The following TERT variants were observed in gnomAD, a reference collection of about 807,000 sequenced individuals.
TERT encodes the protein telomerase catalytic subunit.
TERT carries 42 observed loss-of-function variants against 104.0 expected under a neutral mutation model. The ratio of observed to expected loss-of-function variants is 0.40; its 90% CI spans 0.32 to 0.52. The LOEUF (loss-of-function observed/expected upper bound fraction) is 0.52, where lower values mean the gene tolerates loss of function less well. Ranked by LOEUF, TERT falls within the 20% of genes least tolerant of loss-of-function variation. The pLI is 0.43. For synonymous variants in TERT, 781 were observed against 725.6 expected (o/e 1.08, Z -1.23); for missense variants, 1,101 against 1,610.3 (o/e 0.68, Z 5.41).
Position 1,293,171 on chromosome 5 carries a change from C to T in TERT, c.1573+142G>A, listed in dbSNP as rs561709930. On this transcript the variant is annotated intron_variant, in intron 2 of 15. Transcript: ENST00000310581. ...GAGCAGAGGCAGAGATCACCGTGTC[C>T]ACTCGACGTCCTGAGCGAAAAGCCA... The T allele has an allele frequency of 3.8e-5, 34 of 898,336 alleles. No individual in the cohort carries two copies. In the African/African-American group the frequency reaches 4.9e-4, roughly 13 times the overall value. The allele number at this position is 898,336 out of a possible 1,614,324, so 55.6% of individuals were successfully genotyped here. A position where few individuals can be genotyped will look rare whatever the true frequency, so the allele number is the denominator to read the frequency against.
intron 13 of TERT, 28 bp downstream of exon 13, chr5:1,258,570 G>A (rs374686436): frequency 6.4e-7 from 1 of 1,556,556 alleles, no homozygotes; most frequent in Non-Finnish European, 8.7e-7. Context: ...CCTGGAGGCT[G>A]GGCCTGCACC....
chr5:1,284,482 A>C (rs13171544), intron 2 of TERT, among the ~76,000 whole-genome samples: 719 of 77,282 alleles, frequency 9.3e-3, no homozygotes, highest in Middle Eastern at 0.032. Flanking sequence ...GACTCCATAC[A>C]TCCAGCTCAC....
At position 1,253,347 on chromosome 5, in the gene TERT, G is replaced by A; in HGVS notation, c.*381C>T. ...CCTTCTCAGGGTCTCCACCTGGATG[G>A]TGGGGGTGGAAGGCAAAGGAGGGCA... On this transcript the variant is annotated 3_prime_UTR_variant, in exon 16 of 16. Transcript: ENST00000310581. 7 of 420,862 alleles carry A rather than the reference G, an allele frequency of 1.7e-5. No individual in the cohort carries two copies. In the South Asian group the frequency reaches 1.8e-4, roughly 11 times the overall value. The allele number at this position is 420,862 out of a possible 1,614,324, so 26.1% of individuals were successfully genotyped here. A position where few individuals can be genotyped will look rare whatever the true frequency, so the allele number is the denominator to read the frequency against.
rs35699764 is a variant in TERT at position 1,254,086 on chromosome 5, T to C, written c.3296-255A>G. Among the ~76,000 whole-genome samples the C allele has an allele frequency of 1.9e-3, 291 of 152,116 alleles. 1 individual carries two copies. Among genetic ancestry groups the C allele is most frequent in the African/African-American group, 6.6e-3 (273 of 41,494 alleles). On this transcript the variant is annotated intron_variant, in intron 15 of 15. Transcript: ENST00000310581. ...AGGGCAGCAGCCAGGGAAGAGGCTG[T>C]GAGAGGACACAGGTCAGGGGTCAGA...
intron 3 of TERT, among the ~76,000 whole-genome samples, chr5:1,281,645 C>T (rs1011848663): frequency 3.3e-5 from 5 of 152,222 alleles, no homozygotes; most frequent in African/African-American, 1.2e-4. Flanking sequence ...AATGCAGCCA[C>T]CTAGAAGTTA....
chr5:1,273,072 TCCACAGTCACCACACATCA>T (rs1749222144), intron 6 of TERT, among the ~76,000 whole-genome samples: 1 of 100,724 alleles, frequency 9.9e-6, no homozygotes, highest in Admixed American at 9.8e-5. Context: ...CCGATCACCA[TCCACAGTCACCACACATCA>T]GACCCCACAA....
At chr5:1,279,494 A>T in intron 4 of TERT, 24 bp from the exon 5 acceptor site, 1 of 1,547,842 alleles carries the variant, frequency 6.5e-7, no homozygotes, top group Non-Finnish European at 8.7e-7. Context: ...CATGGGAGAC[A>T]GTCAGGAAAG....
At chr5:1,264,936 T>C (rs1366079215) in intron 10 of TERT, among the ~76,000 whole-genome samples, 1 of 152,226 alleles carries the variant, frequency 6.6e-6, no homozygotes, top group Non-Finnish European at 1.5e-5. Flanking sequence ...TCATCTGTGG[T>C]CCGGGGCAGA....
chr5:1,278,656 C>T lies in TERT; in HGVS notation c.2271G>A (p.Lys757=), dbSNP rs1579574762. ...VQKAAHGHVR[K]AFKSHVSTLT... is the part of the protein sequence containing the mutation. The stretch of plus-strand genomic sequence containing the variant: ...TGAACCTTACGTGGCTCTTGAAGGC[C>T]TTGCGGACGTGCCCATGGGCGGCCT... Residue 757 remains lysine, a synonymous_variant, in exon 6 of 16, where the codon AAG becomes AAA. Transcript: ENST00000310581. The T allele has an allele frequency of 6.2e-7, 1 of 1,614,154 alleles. No individual in the cohort carries two copies. The highest frequency in any genetic ancestry group is 8.5e-7 in the Non-Finnish European group (1 of 1,180,048).
At chr5:1,280,093 G>C (rs1159245729) in intron 4 of TERT, 65 bp downstream of exon 4, 11 of 1,601,572 alleles carry the variant, frequency 6.9e-6, no homozygotes, top group Non-Finnish European at 8.5e-6. Flanking sequence ...CATCTAAGCT[G>C]ATACCAAATG....
intron 11 of TERT, 126 bp from the exon 12 acceptor site, chr5:1,260,726 C>T: frequency 7.3e-7 from 1 of 1,371,876 alleles, no homozygotes; most frequent in Non-Finnish European, 1.0e-6. Flanking sequence ...GCATGCGCTG[C>T]AGCCCGAGGG....
Position 1,286,138 on chromosome 5 carries a change from T to C in TERT, c.1574-3514A>G, listed in dbSNP as rs1259823568. ...CTGTCACTCACTGGCTAAGGAACGC[T>C]GGCCACGTGGTGCTCCAGACACTCA... On this transcript the variant is annotated intron_variant, in intron 2 of 15. Coordinates refer to ENST00000310581, the MANE Select transcript of TERT (RefSeq NM_198253.3). The surrounding 1 kb of genome is among the most constrained non-coding windows in gnomAD (Gnocchi z 5.3). Among the ~76,000 whole-genome samples, 1 of 152,164 alleles carries C rather than the reference T, an allele frequency of 6.6e-6. No homozygotes were observed. The highest frequency in any genetic ancestry group is 2.4e-5 in the African/African-American group (1 of 41,438).
At chr5:1,254,304 C>T in intron 15 of TERT, 64 bp downstream of exon 15, 1 of 1,609,956 alleles carries the variant, frequency 6.2e-7, no homozygotes, top group Non-Finnish European at 8.5e-7. Context: ...GCTCGCCCCA[C>T]ACAGGGCGTT....
At chr5:1,275,376 CAAA>C (rs111367509) in intron 6 of TERT, among the ~76,000 whole-genome samples, 4 of 109,614 alleles carry the variant, frequency 3.6e-5, no homozygotes, top group Non-Finnish European at 3.9e-5. Flanking sequence ...ACTCTGTTAT[CAAA>C]AAAAAAAAAA....
In TERT at chr5:1,270,333, G is replaced by A. The variant is rs1290217790; in HGVS notation, c.2468+786C>T. On this transcript the variant is annotated intron_variant, in intron 8 of 15. Transcript: ENST00000310581. This position sits in a 1 kb window ranked among gnomAD's most constrained non-coding sequence, Gnocchi z 8.3. ...CCGCTGGAGACGATCCCAGAGAGAGGCCTCCACGTTCCACCTGACTGCGGA... is the reference window on the plus strand; with the variant it reads ...CCGCTGGAGACGATCCCAGAGAGAGACCTCCACGTTCCACCTGACTGCGGA... Among the ~76,000 whole-genome samples the A allele has an allele frequency of 6.6e-6, 1 of 152,248 alleles. No homozygotes were observed. Among genetic ancestry groups the A allele is most frequent in the Non-Finnish European group, 1.5e-5 (1 of 68,044 alleles).
intron 8 of TERT, 65 bp downstream of exon 8, chr5:1,271,054 G>T: frequency 1.5e-6 from 2 of 1,318,438 alleles, no homozygotes; most frequent in South Asian, 1.2e-5. Context: ...GGAGAGAGGT[G>T]AGCAGAAGCC....
rs1751238098 is a variant in TERT, at chr5:1,294,351, C to T, written c.535G>A (p.Gly179Ser). The T allele has an allele frequency of 1.3e-6, 2 of 1,577,328 alleles. No individual in the cohort carries two copies. The highest frequency in any genetic ancestry group is 8.6e-7 in the Non-Finnish European group (1 of 1,169,240). Reference protein sequence around the residue: ...QVCGPPLYQLGAATQARPPPH... With the variant: ...QVCGPPLYQLSAATQARPPPH... ...GGGGGCCGGGCCTGAGTGGCAGCGCCGAGCTGGTACAGCGGCGGCCCGCAC... is the reference window on the plus strand; with the variant it reads ...GGGGGCCGGGCCTGAGTGGCAGCGCTGAGCTGGTACAGCGGCGGCCCGCAC... The change falls in exon 2 of 16, where the codon GGC becomes AGC. Residue 179 changes from glycine to serine, a missense_variant. Gly to Ser is a moderately conservative substitution (Grantham distance 56, BLOSUM62 0). Transcript: ENST00000310581.
At chr5:1,259,005 G>A (rs1747967770) in intron 12 of TERT, among the ~76,000 whole-genome samples, 1 of 148,172 alleles carries the variant, frequency 6.7e-6, no homozygotes, top group Admixed American at 6.7e-5. Flanking sequence ...GGAGTGGAGT[G>A]GATGTAAATG....
Position 1,295,006 on chromosome 5 carries a change from G to C in TERT, c.-17C>G. ...GCGCGGCATCGCGGGGGTGGCCGGG[G>C]CCAGGGCTTCCCACGTGCGCAGCAG... On this transcript the variant is annotated 5_prime_UTR_variant, in exon 1 of 16. Transcript: ENST00000310581. The C allele has an allele frequency of 7.7e-7, 1 of 1,305,782 alleles. No homozygotes were observed. The highest frequency in any genetic ancestry group is 9.7e-7 in the Non-Finnish European group (1 of 1,032,184). 80.9% of individuals were successfully genotyped at this position (1,305,782 alleles called of 1,614,324 possible).
Sources: gnomAD v4.1 joint callset for allele counts (sites outside exome capture counted in the v4.1 genomes callset) on GRCh38, gnomAD v4.1.1 for gene constraint, Gnocchi (gnomAD v3.1) non-coding constraint, MANE v1.5 for transcripts, NCBI Gene and HGNC (gene_info 2026-07-23, HGNC 2026-07-21) for gene names.